GTF2H1: variants seen among roughly 807,000 people sequenced by gnomAD.
GTF2H1 encodes the protein BTF2 p62.
GTF2H1 carries 16 observed loss-of-function variants against 71.2 expected under a neutral mutation model. That is an observed-to-expected ratio of 0.22 (90% CI 0.15 to 0.34). GTF2H1 has a LOEUF of 0.34. Among genes scored for constraint, GTF2H1 ranks in the 10% least tolerant of loss-of-function variants. GTF2H1 has a pLI of 1.00. For missense variants in GTF2H1, 498 were observed against 648.2 expected (o/e 0.77, Z 2.52); for synonymous variants, 215 against 219.0 (o/e 0.98, Z 0.16).
At chr11:18,335,431 A>G (rs1306646747) in intron 2 of GTF2H1, among the ~76,000 whole-genome samples, 1 of 152,224 alleles carries the variant, frequency 6.6e-6, no homozygotes, top group Non-Finnish European at 1.5e-5. Context: ...TTTAAAATAC[A>G]TTCAGGAAGC....
In GTF2H1 at chr11:18,352,321, A is replaced by T; in HGVS notation, c.1143-8A>T. On this transcript the variant is annotated splice_region_variant and splice_polypyrimidine_tract_variant and intron_variant, in intron 10 of 14. Transcript: ENST00000265963. ...GTGATTAGTAATTTCTTCTGTGCTA[A>T]CCTGCAGGTATTATCATGGTCCAAC... 8.5e-7 allele frequency: 1 copy of T among 1,171,860 alleles called. No individual in the cohort carries two copies. Among genetic ancestry groups the T allele is most frequent in the Non-Finnish European group, 1.3e-6 (1 of 780,456 alleles). 72.6% of individuals were successfully genotyped at this position (1,171,860 alleles called of 1,614,324 possible).
intron 5 of GTF2H1, among the ~76,000 whole-genome samples, chr11:18,339,901 C>T (rs1000932688): frequency 2.0e-5 from 3 of 152,184 alleles, no homozygotes; most frequent in African/African-American, 7.2e-5. Flanking sequence ...CTTCATTCTG[C>T]ATCCAGAGTG....
intron 7 of GTF2H1, among the ~76,000 whole-genome samples, chr11:18,345,031 T>A (rs61884320): frequency 7.2e-6 from 1 of 138,950 alleles, no homozygotes; most frequent in Non-Finnish European, 1.6e-5. Flanking sequence ...TTTTTTTTTT[T>A]AATTTAAAAA....
chr11:18,351,983 A>G lies in GTF2H1; in HGVS notation c.1142+14A>G. ...GAAGTCAGATAGGTAAGTTTGGTCA[A>G]TATTAAGCAGAATAGCTATGTAACA... On this transcript the variant is annotated intron_variant, in intron 10 of 14. Coordinates refer to ENST00000265963, the MANE Select transcript of GTF2H1 (RefSeq NM_005316.4). 7.3e-7 allele frequency: 1 copy of G among 1,373,446 alleles called. No individual in the cohort carries two copies. Among genetic ancestry groups the G allele is most frequent in the Non-Finnish European group, 1.0e-6 (1 of 962,006 alleles). 85.1% of individuals were successfully genotyped at this position (1,373,446 alleles called of 1,614,324 possible).
Position 18,347,711 on chromosome 11 carries a change from A to AT in GTF2H1, c.961_962insT (p.Lys321IlefsTer7). The AT allele has an allele frequency of 6.2e-7, 1 of 1,613,636 alleles. No homozygotes were observed. Among genetic ancestry groups the AT allele is most frequent in the Non-Finnish European group, 8.5e-7 (1 of 1,179,826 alleles). On this transcript the variant is annotated frameshift_variant, in exon 8 of 15. Coordinates refer to ENST00000265963, the MANE Select transcript of GTF2H1 (RefSeq NM_005316.4). LOFTEE classifies it high-confidence loss of function. ...CATGGTCCTGGCAGCTGGACTCAGA[A>AT]AACAGTTAAGTATAAATGCAGAGGT...
intron 14 of GTF2H1, among the ~76,000 whole-genome samples, chr11:18,363,948 C>T (rs1565022178): frequency 6.6e-6 from 1 of 152,090 alleles, no homozygotes; most frequent in Admixed American, 6.6e-5. Context: ...GTGGCAAGTG[C>T]CCCTAATCCC....
In GTF2H1 at chr11:18,341,624, G is replaced by C. The variant is rs373461846; in HGVS notation, c.837+17G>C. ...TTAGATGAGGTAAGAAGCAATAAAAGAAGTTTTGAGAGAAAAGAGTCTTTT... is the reference window on the plus strand; with the variant it reads ...TTAGATGAGGTAAGAAGCAATAAAACAAGTTTTGAGAGAAAAGAGTCTTTT... On this transcript the variant is annotated intron_variant, in intron 7 of 14. Coordinates refer to ENST00000265963, the MANE Select transcript of GTF2H1 (RefSeq NM_005316.4). 6.7e-7 allele frequency: 1 copy of C among 1,487,398 alleles called. No individual in the cohort carries two copies. Among genetic ancestry groups the C allele is most frequent in the African/African-American group, 1.4e-5 (1 of 71,270 alleles). The allele number at this position is 1,487,398 out of a possible 1,614,324, so 92.1% of individuals were successfully genotyped here.
Position 18,338,158 on chromosome 11 carries a change from G to A in GTF2H1, c.397G>A (p.Val133Met), listed in dbSNP as rs756792860. 1.2e-6 allele frequency: 2 copies of A among 1,610,602 alleles called. No homozygotes were observed. Among genetic ancestry groups the A allele is most frequent in the South Asian group, 2.2e-5 (2 of 91,012 alleles). Reference protein sequence around the residue: ...VLFQLYKDLVVSQVISAEEFW... With the variant: ...VLFQLYKDLVMSQVISAEEFW... ...GTTTCAGCTTTATAAAGACCTTGTTGTGAGTCAAGTGATCAGTGCTGAGGA... is the reference window on the plus strand; with the variant it reads ...GTTTCAGCTTTATAAAGACCTTGTTATGAGTCAAGTGATCAGTGCTGAGGA... Residue 133 changes from valine (V) to methionine (M), a missense_variant, in exon 4 of 15, where the codon GTG becomes ATG. Physicochemically the swap from Val to Met is conservative, Grantham distance 21. Transcript: ENST00000265963.
chr11:18,327,635 G>A (rs972224685), intron 1 of GTF2H1, among the ~76,000 whole-genome samples: 2 of 152,200 alleles, frequency 1.3e-5, no homozygotes, highest in Admixed American at 1.3e-4. Context: ...AGAATACTCT[G>A]TCACCCAGAC....
At chr11:18,339,683 G>A in intron 5 of GTF2H1, 26 bp downstream of exon 5, 7 of 1,289,646 alleles carry the variant, frequency 5.4e-6, no homozygotes, top group Non-Finnish European at 7.9e-6. Flanking sequence ...TCTTTCAGAT[G>A]GTTAAAATAT....
intron 14 of GTF2H1, 38 bp from the exon 15 acceptor site, chr11:18,365,745 T>A (rs760088300): frequency 2.8e-6 from 4 of 1,417,246 alleles, no homozygotes; most frequent in Non-Finnish European, 3.0e-6. Context: ...CTTCCCCTGC[T>A]TTTGCCCAGT....
chr11:18,333,354 G>T, intron 2 of GTF2H1, 126 bp downstream of exon 2: 1 of 673,822 alleles, frequency 1.5e-6, no homozygotes, highest in Non-Finnish European at 2.4e-6. Context: ...TACAAAATGG[G>T]GTCACTGAAT....
intron 9 of GTF2H1, chr11:18,348,273 A>G (rs753670991): frequency 2.7e-6 from 1 of 374,290 alleles, no homozygotes; most frequent in Non-Finnish European, 4.7e-6. Context: ...AGTTTCATGT[A>G]TATGATTTTT....
chr11:18,333,379 AACCTG>A, intron 2 of GTF2H1, 151 bp downstream of exon 2: 1 of 545,906 alleles, frequency 1.8e-6, no homozygotes, highest in African/African-American at 1.9e-5. Context: ...ACTGTTTTAT[AACCTG>A]ACCTTTTCAC....
intron 6 of GTF2H1, 27 bp from the exon 7 acceptor site, chr11:18,341,501 G>T: frequency 6.2e-7 from 1 of 1,605,530 alleles, no homozygotes. Context: ...AAGACATGCT[G>T]AACTTTTTAT....
At chr11:18,358,125 G>GT (rs1865606023) in intron 12 of GTF2H1, 83 bp downstream of exon 12, 2 of 870,378 alleles carry the variant, frequency 2.3e-6, no homozygotes, top group East Asian at 5.0e-5. Flanking sequence ...ACTTTTATTG[G>GT]TTTTTCCTTG....
chr11:18,349,137 C>T (rs1237868130), intron 9 of GTF2H1, among the ~76,000 whole-genome samples: 2 of 152,134 alleles, frequency 1.3e-5, no homozygotes, highest in Non-Finnish European at 2.9e-5. Flanking sequence ...TCATGTGATC[C>T]GCCCATCTCA....
intron 11 of GTF2H1, among the ~76,000 whole-genome samples, chr11:18,355,296 C>G (rs1029633144): frequency 3.3e-5 from 5 of 151,632 alleles, no homozygotes; most frequent in African/African-American, 1.2e-4. Flanking sequence ...GCGCCCGCCA[C>G]CACGCCTGGC....
chr11:18,336,270 G>T (rs1371816301), intron 3 of GTF2H1, among the ~76,000 whole-genome samples: 1 of 152,004 alleles, frequency 6.6e-6, no homozygotes, highest in Non-Finnish European at 1.5e-5. Context: ...GGGACTACAG[G>T]CATGTGCCAC....
Sources: gnomAD v4.1 joint callset for allele counts (sites outside exome capture counted in the v4.1 genomes callset) on GRCh38, gnomAD v4.1.1 for gene constraint, MANE v1.5 for transcripts, NCBI Gene and HGNC (gene_info 2026-07-23, HGNC 2026-07-21) for gene names.